Variants in CCDC144A observed in about 807,000 individuals in gnomAD.
CCDC144A encodes the protein coiled-coil domain containing 144A, also known as coiled-coil domain-containing protein 144A.
In CCDC144A, 41 loss-of-function variants were observed where a neutral mutation model predicts 143.8. The ratio of observed to expected loss-of-function variants is 0.29; its 90% CI spans 0.22 to 0.37. CCDC144A has a LOEUF of 0.37. Among genes scored for constraint, CCDC144A ranks in the 10% least tolerant of loss-of-function variants. CCDC144A has a pLI of 1.00. For missense variants in CCDC144A, 637 were observed against 1,488.8 expected, an observed-to-expected ratio of 0.43 and a Z score of 9.41; for synonymous variants, 242 against 517.9, an observed-to-expected ratio of 0.47 and a Z score of 7.23.
At position 16,746,830 on chromosome 17, in the gene CCDC144A, C is replaced by G. The variant is rs1318896348; in HGVS notation, c.3372+11187C>G. The stretch of plus-strand genomic sequence containing the variant: ...AAGGAGCTCAAAAGGCACCGCGTAC[C>G]GCGCTGGGAGGCCCGGCCCCCGCCC... On this transcript the variant is annotated intron_variant, in intron 12 of 16. Coordinates refer to ENST00000399273, the MANE Select transcript of CCDC144A (RefSeq NM_001382000.1). The G allele has an allele frequency of 5.5e-6, 6 of 1,100,474 alleles. No individual in the cohort carries two copies. The East Asian group carries it at 1.3e-4, about 24-fold the overall frequency. 68.2% of individuals were successfully genotyped at this position (1,100,474 alleles called of 1,614,324 possible). A position where few individuals can be genotyped will look rare whatever the true frequency, so the allele number is the denominator to read the frequency against.
At chr17:16,720,709 T>G in intron 8 of CCDC144A, 51 bp downstream of exon 8, 1 of 1,563,386 alleles carries the variant, frequency 6.4e-7, no homozygotes, top group Non-Finnish European at 8.6e-7. Context: ...TGCAGTAATG[T>G]GTGTATACAT....
chr17:16,674,197 T>G, the CCDC144A span, among the ~76,000 whole-genome samples: 1 of 151,930 alleles, frequency 6.6e-6, no homozygotes, highest in East Asian at 1.9e-4. Context: ...GAGGATCACC[T>G]GAGCCCAGGT....
At chr17:16,749,815 C>T (rs1914704227) in intron 12 of CCDC144A, among the ~76,000 whole-genome samples, 2 of 152,106 alleles carry the variant, frequency 1.3e-5, no homozygotes, top group South Asian at 2.1e-4. Context: ...GTCTTCTTGG[C>T]GAAGTGAATC....
At chr17:16,676,116 G>C in the CCDC144A span, among the ~76,000 whole-genome samples, 1 of 151,948 alleles carries the variant, frequency 6.6e-6, no homozygotes, top group Non-Finnish European at 1.5e-5. Flanking sequence ...TACTGTGATT[G>C]CTTTGTGGAG....
At chr17:16,746,328 G>A (rs1309022058) in intron 12 of CCDC144A, 11 of 1,045,596 alleles carry the variant, frequency 1.1e-5, no homozygotes, top group Non-Finnish European at 1.5e-5. Flanking sequence ...TCCCGCAAAC[G>A]TTTATTTTCT....
rs542699746 is a variant in CCDC144A, at chr17:16,743,354, C to T, written c.3372+7711C>T. Among the ~76,000 whole-genome samples, 43 of 151,978 alleles carry T rather than the reference C, an allele frequency of 2.8e-4. 4 individuals are homozygous for T. The East Asian group carries it at 8.3e-3, about 29-fold the overall frequency. On this transcript the variant is annotated intron_variant, in intron 12 of 16. Transcript: ENST00000399273. ...ATTTGTTGAAGAGAGGGTTCTTTCCCCAATGTATGTTTTTGATACTTTTGT... is the reference window on the plus strand; with the variant it reads ...ATTTGTTGAAGAGAGGGTTCTTTCCTCAATGTATGTTTTTGATACTTTTGT...
upstream of CCDC144A, among the ~76,000 whole-genome samples, chr17:16,687,310 C>A (rs397832501): frequency 6.6e-6 from 1 of 152,146 alleles, no homozygotes; most frequent in Non-Finnish European, 1.5e-5. Context: ...CTGCACTGAA[C>A]AGGGATTGAA....
At chr17:16,710,776 C>G (rs1016453320) in intron 5 of CCDC144A, among the ~76,000 whole-genome samples, 7 of 152,102 alleles carry the variant, frequency 4.6e-5, no homozygotes, top group Admixed American at 2.0e-4. Flanking sequence ...TTATTTTACC[C>G]AAGTCACACT....
At chr17:16,773,377 G>C (rs1915896489) in intron 16 of CCDC144A, 120 bp from the exon 17 acceptor site, 7 of 1,342,564 alleles carry the variant, frequency 5.2e-6, no homozygotes, top group Middle Eastern at 5.0e-4. Context: ...AAGCCTGGGA[G>C]GACAAGACTG....
the CCDC144A span, among the ~76,000 whole-genome samples, chr17:16,678,190 T>A: frequency 1.3e-5 from 2 of 152,002 alleles, no homozygotes; most frequent in Non-Finnish European, 2.9e-5. Flanking sequence ...CATCCCCTGA[T>A]CTGAAAACTG....
At chr17:16,707,952 A>G (rs1248889583) in intron 4 of CCDC144A, among the ~76,000 whole-genome samples, 1 of 152,132 alleles carries the variant, frequency 6.6e-6, no homozygotes, top group African/African-American at 2.4e-5. Context: ...TTGCAGTTTT[A>G]TATTGCCAGT....
At chr17:16,679,821 C>T in the CCDC144A span, among the ~76,000 whole-genome samples, 3,337 of 151,786 alleles carry the variant, frequency 0.022, 113 homozygotes, top group African/African-American at 0.076. Context: ...GGAATAAATG[C>T]CATGACCACT....
At chr17:16,745,718 G>A in intron 12 of CCDC144A, 5 of 1,614,040 alleles carry the variant, frequency 3.1e-6, no homozygotes, top group Non-Finnish European at 4.2e-6. Context: ...CTCGCGCTCG[G>A]AAGTGAGCTC....
chr17:16,739,553 C>T (rs1340079554), intron 12 of CCDC144A, among the ~76,000 whole-genome samples: 1 of 148,474 alleles, frequency 6.7e-6, no homozygotes, highest in African/African-American at 2.5e-5. Flanking sequence ...TTAGTTCTTA[C>T]ATTTAGTGGT....
chr17:16,751,760 G>A (rs866100738), intron 12 of CCDC144A, among the ~76,000 whole-genome samples: 1 of 152,242 alleles, frequency 6.6e-6, no homozygotes, highest in Non-Finnish European at 1.5e-5. Flanking sequence ...GTGGGTCAAG[G>A]GGGGAGGATC....
chr17:16,746,225 T>G, intron 12 of CCDC144A: 1 of 1,382,262 alleles, frequency 7.2e-7, no homozygotes, highest in Non-Finnish European at 9.8e-7. Context: ...GCTTAATCCT[T>G]ACTTCTTTCT....
chr17:16,717,339 T>G (rs1014706184), intron 6 of CCDC144A, among the ~76,000 whole-genome samples: 1 of 151,984 alleles, frequency 6.6e-6, no homozygotes, highest in African/African-American at 2.4e-5. Flanking sequence ...CTCGATCTAT[T>G]GACCTCATGA....
chr17:16,669,177 C>CTA, the CCDC144A span, among the ~76,000 whole-genome samples: 1 of 152,170 alleles, frequency 6.6e-6, no homozygotes. Context: ...GCTTCCTATA[C>CTA]TATATATATC....
intron 15 of CCDC144A, 83 bp from the exon 16 acceptor site, chr17:16,771,894 A>G: frequency 1.1e-5 from 13 of 1,149,264 alleles, no homozygotes; most frequent in Admixed American, 4.8e-5. Flanking sequence ...AGTATTATTT[A>G]AAGGCCGCAT....
Sources: gnomAD v4.1 joint callset for allele counts (sites outside exome capture counted in the v4.1 genomes callset) on GRCh38, gnomAD v4.1.1 for gene constraint, MANE v1.5 for transcripts, NCBI Gene and HGNC (gene_info 2026-07-23, HGNC 2026-07-21) for gene names.